The following MDFIC variants were observed in gnomAD, a reference collection of about 807,000 sequenced individuals.
The protein encoded by MDFIC is myoD family inhibitor domain-containing protein.
MDFIC carries 17 observed loss-of-function variants against 23.2 expected under a neutral mutation model. That is an observed-to-expected ratio of 0.73 (90% CI 0.50 to 1.10). MDFIC has a LOEUF of 1.10. Ranked by LOEUF, MDFIC falls within the 50% of genes least tolerant of loss-of-function variation. The pLI is 0.00. For missense variants in MDFIC, 356 were observed against 316.6 expected (o/e 1.12, Z -0.95); for synonymous variants, 120 against 115.2 (o/e 1.04, Z -0.27).
At chr7:114,928,153 A>T (rs923406132) in intron 2 of MDFIC, among the ~76,000 whole-genome samples, 3 of 152,248 alleles carry the variant, frequency 2.0e-5, no homozygotes, top group Admixed American at 6.5e-5. Context: ...TCAGCTGGGC[A>T]TATTCATTTT....
intron 3 of MDFIC, among the ~76,000 whole-genome samples, chr7:114,962,539 T>C (rs1373136399): frequency 6.6e-6 from 1 of 152,170 alleles, no homozygotes; most frequent in East Asian, 1.9e-4. Flanking sequence ...ATGTTTCCAG[T>C]ATTAGAATTA....
intron 2 of MDFIC, among the ~76,000 whole-genome samples, chr7:114,932,461 C>T (rs1792330518): frequency 6.6e-6 from 1 of 152,110 alleles, no homozygotes; most frequent in African/African-American, 2.4e-5. Context: ...ACACAGACAA[C>T]AGTTATAGAA....
intron 2 of MDFIC, among the ~76,000 whole-genome samples, chr7:114,938,410 T>C (rs1792473052): frequency 6.6e-6 from 1 of 152,216 alleles, no homozygotes; most frequent in Non-Finnish European, 1.5e-5. Context: ...TTGATATACC[T>C]AAGTTTTTTT....
intron 4 of MDFIC, among the ~76,000 whole-genome samples, chr7:114,994,887 G>A (rs773068779): frequency 1.8e-4 from 28 of 152,104 alleles, no homozygotes; most frequent in Non-Finnish European, 3.4e-4. Flanking sequence ...GAATTTGAAC[G>A]TTGGCCTGCC....
At chr7:114,988,001 T>G (rs1331956983) in intron 4 of MDFIC, among the ~76,000 whole-genome samples, 1 of 152,206 alleles carries the variant, frequency 6.6e-6, no homozygotes, top group African/African-American at 2.4e-5. Flanking sequence ...AACTTAATAT[T>G]GAAACATAGA....
intron 3 of MDFIC, among the ~76,000 whole-genome samples, chr7:114,961,126 A>C (rs1319727195): frequency 6.6e-6 from 1 of 152,158 alleles, no homozygotes; most frequent in African/African-American, 2.4e-5. Flanking sequence ...CAGAGCAAGC[A>C]TGGGAGTGTC....
intron 4 of MDFIC, among the ~76,000 whole-genome samples, chr7:114,991,485 C>A (rs1337518985): frequency 6.6e-6 from 1 of 152,160 alleles, no homozygotes; most frequent in African/African-American, 2.4e-5. Flanking sequence ...GGTTTTAGGT[C>A]TGACATTTGA....
Position 114,985,814 on chromosome 7 carries a change from G to A in MDFIC, c.493+6033G>A, listed in dbSNP as rs890755521. ...CAGTCTACGGAGCCTGGGATGGCCC[G>A]TTCTTCTGAAGCTATTAATATCACA... On this transcript the variant is annotated intron_variant, in intron 4 of 4. Transcript: ENST00000393486. Among the ~76,000 whole-genome samples the A allele has an allele frequency of 6.0e-5, 9 of 150,948 alleles. No homozygotes were observed. In the East Asian group the frequency reaches 1.2e-3, roughly 19 times the overall value.
chr7:114,950,384 T>C (rs1362509408), intron 3 of MDFIC, among the ~76,000 whole-genome samples: 1 of 152,130 alleles, frequency 6.6e-6, no homozygotes, highest in East Asian at 1.9e-4. Flanking sequence ...TGTGATGAAA[T>C]GACGGTGGAG....
chr7:115,010,268 A>G (rs1474615708), intron 4 of MDFIC, among the ~76,000 whole-genome samples: 3 of 152,194 alleles, frequency 2.0e-5, no homozygotes, highest in Non-Finnish European at 4.4e-5. Context: ...AATAGGAACT[A>G]TAACTACTGT....
intron 2 of MDFIC, among the ~76,000 whole-genome samples, chr7:114,936,000 T>C (rs1331318490): frequency 6.6e-6 from 1 of 152,180 alleles, no homozygotes; most frequent in Non-Finnish European, 1.5e-5. Context: ...TGAGCTCTTA[T>C]TCTATATCAG....
Position 115,003,141 on chromosome 7 carries a change from G to A in MDFIC, c.494-12547G>A, listed in dbSNP as rs201123421. 2.6e-5 allele frequency among the ~76,000 whole-genome samples: 4 copies of A among 152,180 alleles called. No individual in the cohort carries two copies. The East Asian group carries it at 7.7e-4, about 29-fold the overall frequency. ...ACTTCCATGGGATCTCCCTTTCCTA[G>A]AGTTTCTACTTCCATGTTTACTCCT... On this transcript the variant is annotated intron_variant, in intron 4 of 4. Transcript: ENST00000393486.
chr7:114,940,953 C>T (rs1383645678), intron 2 of MDFIC, among the ~76,000 whole-genome samples: 1 of 152,028 alleles, frequency 6.6e-6, no homozygotes, highest in African/African-American at 2.4e-5. Flanking sequence ...AAACTCTTAT[C>T]AACTTCAATA....
At chr7:114,991,759 A>G (rs1007904150) in intron 4 of MDFIC, among the ~76,000 whole-genome samples, 1 of 152,150 alleles carries the variant, frequency 6.6e-6, no homozygotes, top group Non-Finnish European at 1.5e-5. Flanking sequence ...GTAGCCTTGT[A>G]GTATAGTTTG....
At position 114,965,817 on chromosome 7, in the gene MDFIC, C is replaced by CGGAAA. The variant is rs1488799811; in HGVS notation, c.218-13689_218-13688insGGAAA. 6.6e-5 allele frequency among the ~76,000 whole-genome samples: 10 copies of CGGAAA among 152,184 alleles called. No homozygotes were observed. In the East Asian group the frequency reaches 1.7e-3, roughly 26 times the overall value. The stretch of plus-strand genomic sequence containing the variant: ...TATCTCTCATTTGGTTGTATCTTTC[C>CGGAAA]CTACTTTGTTATTTCATTTTTTCTT... On this transcript the variant is annotated intron_variant, in intron 3 of 4. Transcript: ENST00000393486.
At chr7:115,009,856 G>C (rs1791645901) in intron 4 of MDFIC, among the ~76,000 whole-genome samples, 1 of 152,112 alleles carries the variant, frequency 6.6e-6, no homozygotes, top group Admixed American at 6.5e-5. Flanking sequence ...TAGCTACTTG[G>C]CTTCTGGAGT....
At chr7:115,004,570 A>T (rs1355107833) in intron 4 of MDFIC, among the ~76,000 whole-genome samples, 1 of 152,234 alleles carries the variant, frequency 6.6e-6, no homozygotes, top group Non-Finnish European at 1.5e-5. Context: ...ATTTTTATTT[A>T]CCTACATTTT....
chr7:114,930,307 G>A (rs1283273719), intron 2 of MDFIC, among the ~76,000 whole-genome samples: 1 of 152,224 alleles, frequency 6.6e-6, no homozygotes, highest in Non-Finnish European at 1.5e-5. Context: ...CAGGGTGGAA[G>A]TGATGAGAGG....
At chr7:114,980,356 G>C (rs1793396949) in intron 4 of MDFIC, among the ~76,000 whole-genome samples, 1 of 152,106 alleles carries the variant, frequency 6.6e-6, no homozygotes, top group Non-Finnish European at 1.5e-5. Context: ...CCTCACTGTG[G>C]TCTGGTCTTC....
Sources: gnomAD v4.1 joint callset for allele counts (sites outside exome capture counted in the v4.1 genomes callset) on GRCh38, gnomAD v4.1.1 for gene constraint, MANE v1.5 for transcripts, NCBI Gene and HGNC (gene_info 2026-07-23, HGNC 2026-07-21) for gene names.